BAIAP2L2: variants seen among roughly 807,000 people sequenced by gnomAD.
The protein encoded by BAIAP2L2 is BAR/IMD domain-containing adapter protein 2-like 2.
A neutral mutation model predicts 60.4 loss-of-function variants in BAIAP2L2; 65 were observed. That is an observed-to-expected ratio of 1.08 (90% CI 0.88 to 1.32). The LOEUF (loss-of-function observed/expected upper bound fraction) is 1.32, where lower values mean the gene tolerates loss of function less well. Ranked by LOEUF, BAIAP2L2 falls within the 40% of genes most tolerant of loss-of-function variation. BAIAP2L2 has a pLI of 0.00. For synonymous variants in BAIAP2L2, 344 were observed against 301.7 expected, an observed-to-expected ratio of 1.14 and a Z score of -1.45; for missense variants, 836 against 741.2, an observed-to-expected ratio of 1.13 and a Z score of -1.48.
intron 4 of BAIAP2L2, among the ~76,000 whole-genome samples, chr22:38,106,920 C>T (rs4296527): frequency 0.44 from 66,230 of 152,030 alleles, 16,048 homozygotes; most frequent in South Asian, 0.63. Flanking sequence ...GGCTCTGCGG[C>T]GCTCCCAGTC....
At chr22:38,098,542 C>A (rs1054207719) in intron 4 of BAIAP2L2, 60 bp from the exon 5 acceptor site, 2 of 1,409,508 alleles carry the variant, frequency 1.4e-6, no homozygotes, top group South Asian at 2.4e-5. Context: ...GGCCCCAGCA[C>A]CCCCTTGCAC....
chr22:38,087,006 A>C lies in BAIAP2L2; in HGVS notation c.1259+118T>G, dbSNP rs1398824856. 29 of 1,242,732 alleles carry C rather than the reference A, an allele frequency of 2.3e-5. 1 individual carries two copies. In the East Asian group the frequency reaches 4.0e-4, roughly 17 times the overall value. The allele number at this position is 1,242,732 out of a possible 1,614,324, so 77.0% of individuals were successfully genotyped here. On this transcript the variant is annotated intron_variant, in intron 11 of 13. Transcript: ENST00000381669. ...GTGAGACTCTGTCTCAAAAAAAAAAAAACAAAACAAAACAAAAAAACAAAA... is the reference window on the plus strand; with the variant it reads ...GTGAGACTCTGTCTCAAAAAAAAAACAACAAAACAAAACAAAAAAACAAAA...
At chr22:38,092,206 C>T (rs1196857040) in intron 7 of BAIAP2L2, among the ~76,000 whole-genome samples, 7 of 152,326 alleles carry the variant, frequency 4.6e-5, no homozygotes, top group Middle Eastern at 3.4e-3. Flanking sequence ...GACTAATTAG[C>T]GAAGATGAAT....
At position 38,089,173 on chromosome 22, in the gene BAIAP2L2, T is replaced by A; in HGVS notation, c.824A>T (p.Tyr275Phe). 7.7e-7 allele frequency: 1 copy of A among 1,305,500 alleles called. No individual in the cohort carries two copies. 80.9% of individuals were successfully genotyped at this position (1,305,500 alleles called of 1,614,324 possible). A position where few individuals can be genotyped will look rare whatever the true frequency, so the allele number is the denominator to read the frequency against. ...GGGCCTCGCGTCGGGCTCGGTGCCG[T>A]AGGAGCCGGAGCCGTGCCGGCTGCG... Reference protein sequence around the residue: ...SPRSRHGSGSYGTEPDARPAS... With the variant: ...SPRSRHGSGSFGTEPDARPAS... The change falls in exon 9 of 14, where the codon TAC becomes TTC. Residue 275 changes from tyrosine to phenylalanine, a missense_variant. Coordinates refer to ENST00000381669, the MANE Select transcript of BAIAP2L2 (RefSeq NM_025045.6).
chr22:38,085,883 C>T (rs986894172), intron 12 of BAIAP2L2, 151 bp from the exon 13 acceptor site: 2 of 809,032 alleles, frequency 2.5e-6, no homozygotes, highest in East Asian at 2.6e-5. Flanking sequence ...CCCTGACGTT[C>T]TGAAGCCCAG....
chr22:38,109,353 A>C, intron 1 of BAIAP2L2, 145 bp from the exon 2 acceptor site: 1 of 654,580 alleles, frequency 1.5e-6, no homozygotes, highest in South Asian at 1.8e-5. Context: ...CCATCTACAA[A>C]CCTAGGCTCA....
At chr22:38,103,308 C>A (rs2086602094) in intron 4 of BAIAP2L2, among the ~76,000 whole-genome samples, 1 of 152,180 alleles carries the variant, frequency 6.6e-6, no homozygotes, top group African/African-American at 2.4e-5. Context: ...TATGTGTGTA[C>A]ACACACATTG....
Position 38,087,113 on chromosome 22 carries a change from G to T in BAIAP2L2, c.1259+11C>A. Reference sequence around the variant, plus strand: ...TCCTCACCCCCGCCCCACCCCTGATGACTCAGGTACCTGGAAGGCAGCTCG... The same window carrying T: ...TCCTCACCCCCGCCCCACCCCTGATTACTCAGGTACCTGGAAGGCAGCTCG... On this transcript the variant is annotated intron_variant, in intron 11 of 13. Transcript: ENST00000381669. The T allele has an allele frequency of 6.5e-7, 1 of 1,550,002 alleles. No homozygotes were observed. The highest frequency in any genetic ancestry group is 1.2e-5 in the South Asian group (1 of 83,290).
At chr22:38,098,027 C>A in intron 6 of BAIAP2L2, 36 bp downstream of exon 6, 1 of 1,154,676 alleles carries the variant, frequency 8.7e-7, no homozygotes, top group South Asian at 1.2e-5. Flanking sequence ...GCCCACCCGC[C>A]CTTCCTGGCC....
intron 13 of BAIAP2L2, 94 bp from the exon 14 acceptor site, chr22:38,085,469 G>T: frequency 7.1e-7 from 1 of 1,402,464 alleles, no homozygotes; most frequent in Non-Finnish European, 1.0e-6. Context: ...GCTGGGTCCT[G>T]CCTCCTGCCC....
At chr22:38,105,643 C>T (rs1425800238) in intron 4 of BAIAP2L2, among the ~76,000 whole-genome samples, 3 of 151,966 alleles carry the variant, frequency 2.0e-5, no homozygotes, top group African/African-American at 4.8e-5. Flanking sequence ...GCGCCGGGAC[C>T]TTTAGGCCTT....
At position 38,089,665 on chromosome 22, in the gene BAIAP2L2, T is replaced by TC; in HGVS notation, c.621dup (p.Met208AspfsTer14). 8.1e-7 allele frequency: 1 copy of TC among 1,229,728 alleles called. No individual in the cohort carries two copies. The highest frequency in any genetic ancestry group is 1.0e-6 in the Non-Finnish European group (1 of 986,850). The allele number at this position is 1,229,728 out of a possible 1,614,324, so 76.2% of individuals were successfully genotyped here. On this transcript the variant is annotated frameshift_variant, in exon 8 of 14. Coordinates refer to ENST00000381669, the MANE Select transcript of BAIAP2L2 (RefSeq NM_025045.6). LOFTEE classifies it high-confidence loss of function. ...CACAGCAGCACGCGGTTCTGGAGCA[T>TC]CCCCCGGGCCTGGCCGGGCGGGGAC...
intron 6 of BAIAP2L2, 65 bp downstream of exon 6, chr22:38,097,998 C>G: frequency 2.9e-6 from 3 of 1,051,574 alleles, no homozygotes; most frequent in Non-Finnish European, 4.4e-6. Context: ...TCCCAGGGCC[C>G]GGTCTCGCCC....
At chr22:38,106,237 C>T (rs868080837) in intron 4 of BAIAP2L2, among the ~76,000 whole-genome samples, 1 of 152,056 alleles carries the variant, frequency 6.6e-6, no homozygotes. Context: ...ATTGTTCCCC[C>T]GCCAGGCGCG....
Position 38,097,019 on chromosome 22 carries a change from C to G in BAIAP2L2, c.612+13G>C, listed in dbSNP as rs200685751. ...TAGAAGCGCCCCGCTTGCTGCCCCCCAGTCCAACTCACCCGGCCGAAGAAC... is the reference window on the plus strand; with the variant it reads ...TAGAAGCGCCCCGCTTGCTGCCCCCGAGTCCAACTCACCCGGCCGAAGAAC... On this transcript the variant is annotated intron_variant, in intron 7 of 13. Transcript: ENST00000381669. 3.7e-6 allele frequency: 6 copies of G among 1,605,916 alleles called. No individual in the cohort carries two copies. In the Admixed American group the frequency reaches 6.8e-5, roughly 18 times the overall value.
In BAIAP2L2 at chr22:38,087,206, T is replaced by C. The variant is rs1194158661; in HGVS notation, c.1177A>G (p.Met393Val). The change falls in exon 11 of 14, where the codon ATG becomes GTG. Residue 393 changes from methionine to valine, a missense_variant. Met to Val is a conservative substitution (Grantham distance 21). Coordinates refer to ENST00000381669, the MANE Select transcript of BAIAP2L2 (RefSeq NM_025045.6). ...GAGGTCATGGGGGTCACGGGGGTCA[T>C]GGGATTCACGGGCCCCTCCTCCAGA... ...KALEEGPVNP[M>V]TPVTPMTSMT... 13 of 1,588,176 alleles carry C rather than the reference T, an allele frequency of 8.2e-6. No individual in the cohort carries two copies. The highest frequency in any genetic ancestry group is 3.5e-5 in the Admixed American group (2 of 57,102).
At chr22:38,098,034 G>A in intron 6 of BAIAP2L2, 29 bp downstream of exon 6, 1 of 996,682 alleles carries the variant, frequency 1.0e-6, no homozygotes. Flanking sequence ...CGCCCTTCCT[G>A]GCCCACCCCC....
rs771971719 is a variant in BAIAP2L2, at chr22:38,098,412, T to C, written c.347A>G (p.Lys116Arg). 6 of 1,613,816 alleles carry C rather than the reference T, an allele frequency of 3.7e-6. No individual in the cohort carries two copies. The highest frequency in any genetic ancestry group is 2.2e-5 in the East Asian group (1 of 44,856). The change falls in exon 5 of 14, where the codon AAA becomes AGA. Residue 116 changes from lysine to arginine, a missense_variant and splice_region_variant. By Grantham distance (26) the Lys-to-Arg change is conservative. Coordinates refer to ENST00000381669, the MANE Select transcript of BAIAP2L2 (RefSeq NM_025045.6). ...GCCGAGTGGGGAGGCCAGACTCACTTTGATGAACTGCATGTCCAGCTTGGT... is the reference window on the plus strand; with the variant it reads ...GCCGAGTGGGGAGGCCAGACTCACTCTGATGAACTGCATGTCCAGCTTGGT... ...KNTKLDMQFI[K>R]DSRQHYELEY...
intron 7 of BAIAP2L2, chr22:38,093,838 A>G (rs1488584480): frequency 6.7e-6 from 3 of 448,704 alleles, no homozygotes; most frequent in Non-Finnish European, 9.0e-6. Context: ...CCACAATTCT[A>G]CTCTTATATA....
Sources: allele counts gnomAD v4.1 joint callset (sites outside exome capture counted in the v4.1 genomes callset), GRCh38; gene constraint gnomAD v4.1.1; transcripts MANE v1.5; gene names NCBI Gene and HGNC (gene_info 2026-07-23, HGNC 2026-07-21).